Variants in MAEA observed in about 807,000 individuals in gnomAD.
MAEA encodes the protein E3 ubiquitin-protein transferase MAEA.
MAEA carries 22 observed loss-of-function variants against 46.2 expected under a neutral mutation model. The ratio of observed to expected loss-of-function variants is 0.48; its 90% confidence interval spans 0.34 to 0.68. The LOEUF is 0.68. Among genes scored for constraint, MAEA ranks in the 30% least tolerant of loss-of-function variants. MAEA has a pLI of 0.01. For missense variants in MAEA, 393 were observed against 558.1 expected, an observed-to-expected ratio of 0.70 and a Z score of 2.98; for synonymous variants, 246 against 222.6, an observed-to-expected ratio of 1.11 and a Z score of -0.94.
intron 3 of MAEA, among the ~76,000 whole-genome samples, 177 bp downstream of exon 3, chr4:1,315,777 AGT>A (rs1252518229): frequency 1.6e-3 from 117 of 71,546 alleles, no homozygotes; most frequent in Non-Finnish European, 2.3e-3. Flanking sequence ...TCCCCCCTCC[AGT>A]GTGTGTGTGT....
intron 2 of MAEA, chr4:1,312,401 A>T: frequency 1.9e-6 from 1 of 516,828 alleles, no homozygotes; most frequent in South Asian, 2.3e-5. Context: ...CAGGGAGACC[A>T]GGATGTATAG....
chr4:1,320,991 C>T (rs1738012308), intron 3 of MAEA, among the ~76,000 whole-genome samples: 1 of 152,132 alleles, frequency 6.6e-6, no homozygotes, highest in African/African-American at 2.4e-5. Context: ...TCCCAGCTAC[C>T]CGGGAGGCCA....
chr4:1,328,867 C>G lies in MAEA; in HGVS notation c.656+1164C>G, dbSNP rs190636727. The stretch of plus-strand genomic sequence containing the variant: ...GAGGGAGCCAGGCCTGCAACGAGGT[C>G]CCTTCTGTGCCTGAGAGGGCTAAAG... On this transcript the variant is annotated intron_variant, in intron 5 of 8. Coordinates refer to ENST00000303400, the MANE Select transcript of MAEA (RefSeq NM_001017405.3). 7.3e-3 allele frequency: 7,567 copies of G among 1,034,384 alleles called. 26 individuals are homozygous for G. The highest frequency in any genetic ancestry group is 8.2e-3 in the Non-Finnish European group (7,000 of 854,836). The allele number at this position is 1,034,384 out of a possible 1,614,324, so 64.1% of individuals were successfully genotyped here. A position where few individuals can be genotyped will look rare whatever the true frequency, so the allele number is the denominator to read the frequency against.
intron 7 of MAEA, chr4:1,337,834 C>G (rs1712993609): frequency 5.8e-6 from 1 of 173,208 alleles, no homozygotes; most frequent in African/African-American, 2.4e-5. Context: ...GTGACTGACT[C>G]TGTCCCCACC....
intron 2 of MAEA, chr4:1,312,423 A>ATTTTT (rs34329974): frequency 0.024 from 4,193 of 171,764 alleles, 630 homozygotes; most frequent in African/African-American, 0.17. Flanking sequence ...AGGTTGATTG[A>ATTTTT]TTTTTTTTTT....
chr4:1,302,489 T>A (rs1735410668), intron 1 of MAEA, among the ~76,000 whole-genome samples: 1 of 152,228 alleles, frequency 6.6e-6, no homozygotes, highest in Admixed American at 6.5e-5. Context: ...AAAACTTGTT[T>A]TTTTGAGTTG....
intron 5 of MAEA, among the ~76,000 whole-genome samples, chr4:1,328,110 C>G (rs1739078620): frequency 6.6e-6 from 1 of 152,232 alleles, no homozygotes; most frequent in Non-Finnish European, 1.5e-5. Context: ...GCGTCCTGAG[C>G]TTGGGAATGT....
rs1412136871 is a variant in MAEA, at chr4:1,338,613, A to G, written c.1091A>G (p.Tyr364Cys). 6.2e-7 allele frequency: 1 copy of G among 1,605,192 alleles called. No individual in the cohort carries two copies. Among genetic ancestry groups the G allele is most frequent in the Non-Finnish European group, 8.5e-7 (1 of 1,176,420 alleles). The stretch of plus-strand genomic sequence containing the variant: ...CTGCCCAACGGCTACGTCTACGGCT[A>G]CAATGTGAGGGGGGCAGGGCAGGGG... ...MMLPNGYVYG[Y>C]NSLLSIRQDD... Residue 364 changes from tyrosine to cysteine, a missense_variant, in exon 8 of 9, where the codon TAC (tyrosine) becomes TGC (cysteine). By Grantham distance (194) the Tyr-to-Cys change is radical (BLOSUM62 -2). Coordinates refer to ENST00000303400, the MANE Select transcript of MAEA (RefSeq NM_001017405.3).
intron 5 of MAEA, chr4:1,328,570 T>C: frequency 8.6e-7 from 1 of 1,165,156 alleles, no homozygotes; most frequent in Non-Finnish European, 1.1e-6. Context: ...CAGGTGTGTT[T>C]GCCAGGAGGG....
intron 1 of MAEA, among the ~76,000 whole-genome samples, chr4:1,296,454 C>T: frequency 6.9e-6 from 1 of 145,294 alleles, no homozygotes; most frequent in Non-Finnish European, 1.5e-5. Flanking sequence ...TCACCCGTGC[C>T]TGTGCCCCCC....
chr4:1,334,747 A>G (rs1577242312), intron 6 of MAEA: 1 of 433,306 alleles, frequency 2.3e-6, no homozygotes, highest in East Asian at 1.6e-4. Context: ...GGCAAGAAAC[A>G]GAAGGAAGCA....
At position 1,311,202 on chromosome 4, in the gene MAEA, C is replaced by T. The variant is rs1014699238; in HGVS notation, c.70-777C>T. ...GCTGATGCGCTGTGTGGTGAGCTGC[C>T]GGCCACCAGTGCAGCCAGGACCGCA... On this transcript the variant is annotated intron_variant, in intron 1 of 8. Coordinates refer to ENST00000303400, the MANE Select transcript of MAEA (RefSeq NM_001017405.3). This position sits in a 1 kb window ranked among gnomAD's most constrained non-coding sequence, Gnocchi z 4.4. Among the ~76,000 whole-genome samples, 6 of 152,220 alleles carry T rather than the reference C, an allele frequency of 3.9e-5. No homozygotes were observed. The highest frequency in any genetic ancestry group is 2.1e-4 in the South Asian group (1 of 4,838).
intron 1 of MAEA, among the ~76,000 whole-genome samples, chr4:1,291,392 G>T (rs1734093778): frequency 6.6e-6 from 1 of 152,186 alleles, no homozygotes; most frequent in Non-Finnish European, 1.5e-5. Context: ...GTTACCAAAG[G>T]TCTAGCCTCT....
Position 1,300,295 on chromosome 4 carries a change from T to C in MAEA, c.69+10313T>C, listed in dbSNP as rs540831230. Among the ~76,000 whole-genome samples the C allele has an allele frequency of 1.4e-4, 21 of 152,286 alleles. No individual in the cohort carries two copies. The South Asian group carries it at 3.9e-3, about 29-fold the overall frequency. ...GCATGAAAACCGTAATGATATCATA[T>C]TGTTCTTTTTGTGTTTGATAAATAT... On this transcript the variant is annotated intron_variant, in intron 1 of 8. Transcript: ENST00000303400.
At position 1,337,073 on chromosome 4, in the gene MAEA, C is replaced by T. The variant is rs1712864712; in HGVS notation, c.899+79C>T. The T allele has an allele frequency of 4.6e-6, 7 of 1,514,000 alleles. No individual in the cohort carries two copies. In the East Asian group the frequency reaches 1.4e-4, roughly 29 times the overall value. 93.8% of individuals were successfully genotyped at this position (1,514,000 alleles called of 1,614,324 possible). On this transcript the variant is annotated intron_variant, in intron 7 of 8. Transcript: ENST00000303400. ...CATATTTTAACACGCTGACCCTGCA[C>T]CTTGCCACTCTTGTCCTCCCACCAC...
At position 1,335,603 on chromosome 4, in the gene MAEA, C is replaced by T. The variant is rs1005769033; in HGVS notation, c.766-1258C>T. 4.0e-4 allele frequency: 378 copies of T among 941,072 alleles called. 1 individual carries two copies. Among genetic ancestry groups the T allele is most frequent in the Admixed American group, 7.6e-4 (11 of 14,506 alleles). The allele number at this position is 941,072 out of a possible 1,614,324, so 58.3% of individuals were successfully genotyped here. A position where few individuals can be genotyped will look rare whatever the true frequency, so the allele number is the denominator to read the frequency against. ...AGTTAAGTCAGCACTGGCCCCATGG[C>T]GTGTTGAAACCACAGAGTTAAGTCA... On this transcript the variant is annotated intron_variant, in intron 6 of 8. Transcript: ENST00000303400.
chr4:1,297,973 A>G, intron 1 of MAEA: 1 of 455,982 alleles, frequency 2.2e-6, no homozygotes, highest in Non-Finnish European at 4.4e-6. Context: ...CAGCATGGAA[A>G]CCCCGCTGTG....
At chr4:1,300,390 C>T (rs1247603734) in intron 1 of MAEA, among the ~76,000 whole-genome samples, 2 of 152,258 alleles carry the variant, frequency 1.3e-5, no homozygotes, top group Non-Finnish European at 2.9e-5. Flanking sequence ...AGGTATGTAA[C>T]TGCCAAAGTT....
intron 1 of MAEA, among the ~76,000 whole-genome samples, chr4:1,307,582 G>C (rs1735955957): frequency 6.6e-6 from 1 of 152,234 alleles, no homozygotes; most frequent in African/African-American, 2.4e-5. Flanking sequence ...AGGTAGATGA[G>C]GGGATTTATT....
Sources: gnomAD v4.1 joint callset for allele counts (sites outside exome capture counted in the v4.1 genomes callset) on GRCh38, gnomAD v4.1.1 for gene constraint, Gnocchi (gnomAD v3.1) non-coding constraint, MANE v1.5 for transcripts, NCBI Gene and HGNC (gene_info 2026-07-23, HGNC 2026-07-21) for gene names.